The following TANGO6 variants were observed in gnomAD, a reference collection of about 807,000 sequenced individuals.
TANGO6 encodes transport and golgi organization 6 homolog.
In TANGO6, 90 loss-of-function variants were observed where a neutral mutation model predicts 114.2. The ratio of observed to expected loss-of-function variants is 0.79; its 90% CI spans 0.66 to 0.94. TANGO6 has a LOEUF of 0.94. Ranked by LOEUF, TANGO6 falls within the 40% of genes least tolerant of loss-of-function variation. The pLI, the probability that TANGO6 is intolerant of heterozygous loss-of-function variation, is 0.00. For synonymous variants in TANGO6, 477 were observed against 509.8 expected (o/e 0.94, Z 0.87); for missense variants, 1,274 against 1,315.3 (o/e 0.97, Z 0.49).
chr16:69,083,828 GC>G lies in TANGO6; in HGVS notation c.*168del, dbSNP rs1960502113. ...TGGGTCTTCAGGGTCCCTTCCGAGG[GC>G]ATGTGTTCAGCACTCCCGCGTTCAG... On this transcript the variant is annotated 3_prime_UTR_variant, in exon 18 of 18. Coordinates refer to ENST00000261778, the MANE Select transcript of TANGO6 (RefSeq NM_024562.2). 1 of 673,770 alleles carries G rather than the reference GC, an allele frequency of 1.5e-6. No homozygotes were observed. Among genetic ancestry groups the G allele is most frequent in the African/African-American group, 1.8e-5 (1 of 55,114 alleles). The allele number at this position is 673,770 out of a possible 1,614,324, so 41.7% of individuals were successfully genotyped here.
At chr16:68,904,928 A>G (rs1331445572) in intron 9 of TANGO6, among the ~76,000 whole-genome samples, 1 of 152,004 alleles carries the variant, frequency 6.6e-6, no homozygotes, top group Non-Finnish European at 1.5e-5. Context: ...GCGAGACTCC[A>G]TTTCTTAAAA....
intron 14 of TANGO6, among the ~76,000 whole-genome samples, chr16:68,968,505 C>G (rs1405171171): frequency 6.6e-6 from 1 of 151,812 alleles, no homozygotes; most frequent in South Asian, 2.1e-4. Flanking sequence ...GCTGTGATTA[C>G]AGGCACCTGC....
At chr16:69,022,297 A>G (rs920174873) in intron 15 of TANGO6, among the ~76,000 whole-genome samples, 1 of 152,248 alleles carries the variant, frequency 6.6e-6, no homozygotes, top group Non-Finnish European at 1.5e-5. Flanking sequence ...TTTTGAGAAT[A>G]AAATTGAGAT....
At chr16:69,077,716 C>T (rs946306886) in intron 17 of TANGO6, among the ~76,000 whole-genome samples, 6 of 152,024 alleles carry the variant, frequency 3.9e-5, no homozygotes, top group African/African-American at 9.7e-5. Context: ...GTAATCCCAG[C>T]TACTCGGGAG....
chr16:68,883,295 A>G (rs1962490316), intron 7 of TANGO6, among the ~76,000 whole-genome samples: 2 of 152,266 alleles, frequency 1.3e-5, no homozygotes, highest in Admixed American at 1.3e-4. Flanking sequence ...TGAGGTAAGG[A>G]GTTCAAGACC....
At chr16:68,973,145 T>C (rs1466184812) in intron 14 of TANGO6, 1 of 455,858 alleles carries the variant, frequency 2.2e-6, no homozygotes, top group Non-Finnish European at 4.4e-6. Context: ...ATGAAAAAGG[T>C]AGAAGCAGGG....
chr16:69,082,309 G>A (rs1333099257), intron 17 of TANGO6, among the ~76,000 whole-genome samples: 3 of 150,860 alleles, frequency 2.0e-5, no homozygotes, highest in Non-Finnish European at 4.4e-5. Context: ...TCACCATGTT[G>A]GCCAGGCTGG....
chr16:68,916,076 C>A (rs1356958028), intron 11 of TANGO6, among the ~76,000 whole-genome samples: 1 of 152,244 alleles, frequency 6.6e-6, no homozygotes, highest in African/African-American at 2.4e-5. Flanking sequence ...CAAATTAATT[C>A]TATTTAAAGC....
At chr16:68,879,711 G>C (rs933589005) in intron 6 of TANGO6, among the ~76,000 whole-genome samples, 5 of 150,662 alleles carry the variant, frequency 3.3e-5, no homozygotes, top group Admixed American at 6.6e-5. Flanking sequence ...CTGCCTCCCA[G>C]GTTCATGCCA....
At chr16:69,070,508 C>G (rs919028378) in intron 17 of TANGO6, among the ~76,000 whole-genome samples, 1 of 151,354 alleles carries the variant, frequency 6.6e-6, no homozygotes, top group Non-Finnish European at 1.5e-5. Context: ...AAGTGCTTGT[C>G]TGTAATCCCA....
intron 15 of TANGO6, among the ~76,000 whole-genome samples, chr16:68,974,513 T>G (rs543880201): frequency 4.1e-4 from 62 of 151,930 alleles, no homozygotes; most frequent in African/African-American, 1.5e-3. Context: ...AATACAAAAA[T>G]TAGCTGGGCG....
At chr16:68,987,792 C>T (rs1400005495) in intron 15 of TANGO6, among the ~76,000 whole-genome samples, 1 of 152,114 alleles carries the variant, frequency 6.6e-6, no homozygotes, top group Non-Finnish European at 1.5e-5. Flanking sequence ...TGTGTTTGTT[C>T]AAAGTGAATG....
chr16:69,046,388 C>T (rs186586268), intron 17 of TANGO6, among the ~76,000 whole-genome samples: 135 of 151,074 alleles, frequency 8.9e-4, no homozygotes, highest in Non-Finnish European at 1.6e-3. Context: ...GGCACGATCT[C>T]GGCTCACTGC....
chr16:68,850,581 G>A (rs1249669821), intron 1 of TANGO6, among the ~76,000 whole-genome samples: 2 of 152,112 alleles, frequency 1.3e-5, no homozygotes, highest in African/African-American at 2.4e-5. Context: ...ATAATTTTCT[G>A]TGTGGTTATG....
At chr16:68,846,464 T>C in intron 1 of TANGO6, 1 of 307,140 alleles carries the variant, frequency 3.3e-6, no homozygotes, top group South Asian at 2.5e-5. Flanking sequence ...TCAATCACCT[T>C]TTCAAATAAT....
chr16:69,035,572 G>A (rs1205485502), intron 16 of TANGO6: 2 of 152,150 alleles, frequency 1.3e-5, no homozygotes, highest in Non-Finnish European at 2.9e-5. Context: ...TGTTTTGGGA[G>A]TGATGTTTTT....
intron 7 of TANGO6, among the ~76,000 whole-genome samples, chr16:68,884,345 G>C (rs1259396556): frequency 6.6e-6 from 1 of 152,198 alleles, no homozygotes; most frequent in East Asian, 1.9e-4. Flanking sequence ...ATTGAAAGAT[G>C]ACATGGTGAC....
At chr16:68,930,635 CTT>C (rs35493432) in intron 14 of TANGO6, among the ~76,000 whole-genome samples, 15 of 134,098 alleles carry the variant, frequency 1.1e-4, no homozygotes, top group Admixed American at 1.5e-4. Flanking sequence ...CGGCTACTGT[CTT>C]TTTTTTTTTT....
At chr16:68,851,233 C>T (rs528225386) in intron 1 of TANGO6, among the ~76,000 whole-genome samples, 3 of 152,220 alleles carry the variant, frequency 2.0e-5, no homozygotes, top group Admixed American at 1.3e-4. Context: ...AATCTCGGCT[C>T]ACTGCAACCT....
Sources: allele counts gnomAD v4.1 joint callset (sites outside exome capture counted in the v4.1 genomes callset), GRCh38; gene constraint gnomAD v4.1.1; transcripts MANE v1.5; gene names NCBI Gene and HGNC (gene_info 2026-07-23, HGNC 2026-07-21).